Variants in SEMA3B observed in about 807,000 individuals in gnomAD.
The protein encoded by SEMA3B is semaphorin-3B.
In SEMA3B, 71 loss-of-function variants were observed where a neutral mutation model predicts 77.8. That is an observed-to-expected ratio of 0.91 (90% CI 0.75 to 1.11). The LOEUF (loss-of-function observed/expected upper bound fraction) is 1.11, where lower values mean the gene tolerates loss of function less well. SEMA3B is among the 50% of genes most tolerant of loss of function. SEMA3B has a pLI of 0.00. For synonymous variants in SEMA3B, 470 were observed against 452.9 expected, an observed-to-expected ratio of 1.04 and a Z score of -0.48; for missense variants, 968 against 1,056.8, an observed-to-expected ratio of 0.92 and a Z score of 1.17.
chr3:50,266,959 A>T (rs1174809743), upstream of SEMA3B: 3 of 152,308 alleles, frequency 2.0e-5, no homozygotes, highest in Non-Finnish European at 4.4e-5. Context: ...ATGCAAAGCT[A>T]CCTGTCCAGG....
rs1226101789 is a variant in SEMA3B, at chr3:50,270,680, T to C, written c.330+185T>C. 4 of 1,148,154 alleles carry C rather than the reference T, an allele frequency of 3.5e-6. No individual in the cohort carries two copies. Among genetic ancestry groups the C allele is most frequent in the Middle Eastern group, 2.9e-4 (1 of 3,406 alleles). 71.1% of individuals were successfully genotyped at this position (1,148,154 alleles called of 1,614,324 possible). ...GTAATTCTTCTGGGGTGCCTCTGAGTCATGGGAGGCTTTGCAGGCCTGTGC... is the reference window on the plus strand; with the variant it reads ...GTAATTCTTCTGGGGTGCCTCTGAGCCATGGGAGGCTTTGCAGGCCTGTGC... On this transcript the variant is annotated intron_variant, in intron 3 of 16. Transcript: ENST00000616701. This position sits in a 1 kb window ranked among gnomAD's most constrained non-coding sequence, Gnocchi z 4.7.
Position 50,273,721 on chromosome 3 carries a change from G to C in SEMA3B, c.923-38G>C, listed in dbSNP as rs1553705878. On this transcript the variant is annotated intron_variant, in intron 8 of 16. Coordinates refer to ENST00000616701, the MANE Select transcript of SEMA3B (RefSeq NM_001290060.2). The surrounding 1 kb of genome is among the most constrained non-coding windows in gnomAD (Gnocchi z 6.5). ...CTCCGGGAGCCCCCGCCGCAGCGGG[G>C]CTGTGCGCCCTACCCCAGCTAGGCC... 6.2e-7 allele frequency: 1 copy of C among 1,604,512 alleles called. No homozygotes were observed. The highest frequency in any genetic ancestry group is 1.1e-5 in the South Asian group (1 of 90,946).
chr3:50,268,589 G>A (rs587761359), upstream of SEMA3B, among the ~76,000 whole-genome samples: 9 of 152,252 alleles, frequency 5.9e-5, no homozygotes, highest in African/African-American at 9.6e-5. Flanking sequence ...ACACACATGC[G>A]CACATCACAA....
At position 50,273,184 on chromosome 3, in the gene SEMA3B, G is replaced by A; in HGVS notation, c.665-114G>A. 1 of 1,445,780 alleles carries A rather than the reference G, an allele frequency of 6.9e-7. No homozygotes were observed. The highest frequency in any genetic ancestry group is 2.4e-5 in the Admixed American group (1 of 41,728). 89.6% of individuals were successfully genotyped at this position (1,445,780 alleles called of 1,614,324 possible). A position where few individuals can be genotyped will look rare whatever the true frequency, so the allele number is the denominator to read the frequency against. On this transcript the variant is annotated intron_variant, in intron 6 of 16. Coordinates refer to ENST00000616701, the MANE Select transcript of SEMA3B (RefSeq NM_001290060.2). The surrounding 1 kb of genome is among the most constrained non-coding windows in gnomAD (Gnocchi z 6.5). The stretch of plus-strand genomic sequence containing the variant: ...CATGGTGCTAGAGGTTGGGTGGTCA[G>A]ACACTGTGATCCCGGGTGCTGTGCC...
chr3:50,274,012 G>C lies in SEMA3B; in HGVS notation c.1092G>C (p.Gln364His), dbSNP rs782669401. 1.1e-5 allele frequency: 17 copies of C among 1,613,558 alleles called. No individual in the cohort carries two copies. The highest frequency in any genetic ancestry group is 1.3e-5 in the Non-Finnish European group (15 of 1,179,798). The change falls in exon 10 of 17, where the codon CAG becomes CAC. Residue 364 changes from glutamine (Q) to histidine (H), a missense_variant. Coordinates refer to ENST00000616701, the MANE Select transcript of SEMA3B (RefSeq NM_001290060.2). The surrounding 1 kb of genome is among the most constrained non-coding windows in gnomAD (Gnocchi z 4.7). ...PFAHKEGPMH[Q>H]WVSYQGRVPY... ...CACACAAGGAGGGGCCCATGCACCA[G>C]TGGGTGTCATACCAGGGTCGCGTCC...
rs1048486102 is a variant in SEMA3B at position 50,274,517 on chromosome 3, C to T, written c.1292C>T (p.Thr431Ile). 3 of 1,576,026 alleles carry T rather than the reference C, an allele frequency of 1.9e-6. No individual in the cohort carries two copies. Among genetic ancestry groups the T allele is most frequent in the African/African-American group, 2.7e-5 (2 of 73,664 alleles). Residue 431 changes from threonine (T) to isoleucine (I), a missense_variant, in exon 11 of 17, where the codon ACT becomes ATT. By Grantham distance (89) the Thr-to-Ile change is moderately conservative. Transcript: ENST00000616701. This position sits in a 1 kb window ranked among gnomAD's most constrained non-coding sequence, Gnocchi z 4.7. ...FLQVGANYTF[T>I]QIAADRVAAA... is the part of the protein sequence containing the mutation. ...CAAGTTGGAGCCAATTACACCTTCA[C>T]TCAAATTGCCGCGGACCGGGTTGCA... is the stretch of plus-strand genomic sequence containing the variant.
chr3:50,275,924 G>A lies in SEMA3B; in HGVS notation c.1845+80G>A. The A allele has an allele frequency of 1.4e-6, 2 of 1,466,422 alleles. No homozygotes were observed. The allele number at this position is 1,466,422 out of a possible 1,614,324, so 90.8% of individuals were successfully genotyped here. A position where few individuals can be genotyped will look rare whatever the true frequency, so the allele number is the denominator to read the frequency against. ...GAGAGGCCCCGCCCTACCCAACGAA[G>A]CCCCGTCCAACCAGACCCACTCCCC... On this transcript the variant is annotated intron_variant, in intron 16 of 16. Coordinates refer to ENST00000616701, the MANE Select transcript of SEMA3B (RefSeq NM_001290060.2). The surrounding 1 kb of genome is among the most constrained non-coding windows in gnomAD (Gnocchi z 7.5).
chr3:50,269,446 G>T lies in SEMA3B; in HGVS notation c.109+97G>T. 1.4e-6 allele frequency: 1 copy of T among 725,732 alleles called. No individual in the cohort carries two copies. The highest frequency in any genetic ancestry group is 2.2e-6 in the Non-Finnish European group (1 of 455,640). 45.0% of individuals were successfully genotyped at this position (725,732 alleles called of 1,614,324 possible). ...CTCTGTGTTGGCTGTTGCCCCATGT[G>T]CGTGCCTGTCACCAGACTCTGGTAG... is the stretch of plus-strand genomic sequence containing the variant. On this transcript the variant is annotated intron_variant, in intron 1 of 16. Transcript: ENST00000616701. This position sits in a 1 kb window ranked among gnomAD's most constrained non-coding sequence, Gnocchi z 4.0.
In SEMA3B at chr3:50,274,316, C is replaced by A; in HGVS notation, c.1138-47C>A. 2 of 1,397,954 alleles carry A rather than the reference C, an allele frequency of 1.4e-6. No individual in the cohort carries two copies. 86.6% of individuals were successfully genotyped at this position (1,397,954 alleles called of 1,614,324 possible). A position where few individuals can be genotyped will look rare whatever the true frequency, so the allele number is the denominator to read the frequency against. ...TGGGCATGGAGGGCTGCCTATCAAGCCCCCATATCTATATCCCTGCTGTGC... is the reference window on the plus strand; with the variant it reads ...TGGGCATGGAGGGCTGCCTATCAAGACCCCATATCTATATCCCTGCTGTGC... On this transcript the variant is annotated intron_variant, in intron 10 of 16. Coordinates refer to ENST00000616701, the MANE Select transcript of SEMA3B (RefSeq NM_001290060.2). This position sits in a 1 kb window ranked among gnomAD's most constrained non-coding sequence, Gnocchi z 4.7.
chr3:50,264,940 G>C (rs959332094), upstream of SEMA3B, among the ~76,000 whole-genome samples: 1 of 152,170 alleles, frequency 6.6e-6, no homozygotes, highest in Non-Finnish European at 1.5e-5. Flanking sequence ...TGGGGCAGGC[G>C]GGGGTAGGGC....
At position 50,274,821 on chromosome 3, in the gene SEMA3B, T is replaced by C; in HGVS notation, c.1358-22T>C. On this transcript the variant is annotated intron_variant, in intron 11 of 16. Transcript: ENST00000616701. The surrounding 1 kb of genome is among the most constrained non-coding windows in gnomAD (Gnocchi z 4.7). The stretch of plus-strand genomic sequence containing the variant: ...AGCTGTCCGGGAGCACCAATGGTCA[T>C]TACCCCTTCTCATCCCTGCAGACGT... 1 of 1,608,034 alleles carries C rather than the reference T, an allele frequency of 6.2e-7. No individual in the cohort carries two copies. The highest frequency in any genetic ancestry group is 8.5e-7 in the Non-Finnish European group (1 of 1,178,412).
In SEMA3B at chr3:50,269,417, G is replaced by A; in HGVS notation, c.109+68G>A. The A allele has an allele frequency of 1.0e-6, 1 of 965,892 alleles. No individual in the cohort carries two copies. The highest frequency in any genetic ancestry group is 1.5e-6 in the Non-Finnish European group (1 of 668,752). The allele number at this position is 965,892 out of a possible 1,614,324, so 59.8% of individuals were successfully genotyped here. On this transcript the variant is annotated intron_variant, in intron 1 of 16. Coordinates refer to ENST00000616701, the MANE Select transcript of SEMA3B (RefSeq NM_001290060.2). The surrounding 1 kb of genome is among the most constrained non-coding windows in gnomAD (Gnocchi z 4.0). ...CAGGAAAGGGTCCCCGTATGGCCAG[G>A]GGGCTCTGTGTTGGCTGTTGCCCCA...
At position 50,275,733 on chromosome 3, in the gene SEMA3B, C is replaced by CA. The variant is rs781802951; in HGVS notation, c.1736dup (p.Val580GlyfsTer14). The CA allele has an allele frequency of 1.2e-6, 2 of 1,613,384 alleles. No homozygotes were observed. The highest frequency in any genetic ancestry group is 1.7e-6 in the Non-Finnish European group (2 of 1,179,762). On this transcript the variant is annotated frameshift_variant, in exon 16 of 17. Coordinates refer to ENST00000616701, the MANE Select transcript of SEMA3B (RefSeq NM_001290060.2). LOFTEE classifies it high-confidence loss of function. This position sits in a 1 kb window ranked among gnomAD's most constrained non-coding sequence, Gnocchi z 7.5. ...CGTCTCGTCCCGCGCTGCTGGAACACAAGGTGTTCGGCGTGGAGGGCAGCA... is the reference window on the plus strand; with the variant it reads ...CGTCTCGTCCCGCGCTGCTGGAACACAAAGGTGTTCGGCGTGGAGGGCAGCA...
At chr3:50,269,087 G>A, upstream of SEMA3B, 1 of 615,988 alleles carries the variant, frequency 1.6e-6, no homozygotes, top group Non-Finnish European at 2.9e-6. The surrounding 1 kb of genome is among the most constrained non-coding windows in gnomAD (Gnocchi z 4.0). Context: ...TTTCCCCTAG[G>A]GGCTGTAATC....
At position 50,270,653 on chromosome 3, in the gene SEMA3B, G is replaced by C; in HGVS notation, c.330+158G>C. On this transcript the variant is annotated intron_variant, in intron 3 of 16. Coordinates refer to ENST00000616701, the MANE Select transcript of SEMA3B (RefSeq NM_001290060.2). The surrounding 1 kb of genome is among the most constrained non-coding windows in gnomAD (Gnocchi z 4.7). ...GGGTGGTGAGTCAGGGTGGGGGCTC[G>C]TGTAATTCTTCTGGGGTGCCTCTGA... The C allele has an allele frequency of 8.7e-7, 1 of 1,152,426 alleles. No individual in the cohort carries two copies. Among genetic ancestry groups the C allele is most frequent in the Non-Finnish European group, 1.2e-6 (1 of 823,730 alleles). 71.4% of individuals were successfully genotyped at this position (1,152,426 alleles called of 1,614,324 possible). A position where few individuals can be genotyped will look rare whatever the true frequency, so the allele number is the denominator to read the frequency against.
chr3:50,270,606 G>A lies in SEMA3B; in HGVS notation c.330+111G>A, dbSNP rs1361899768. 1 of 1,472,496 alleles carries A rather than the reference G, an allele frequency of 6.8e-7. No individual in the cohort carries two copies. The highest frequency in any genetic ancestry group is 9.3e-7 in the Non-Finnish European group (1 of 1,075,916). The allele number at this position is 1,472,496 out of a possible 1,614,324, so 91.2% of individuals were successfully genotyped here. A position where few individuals can be genotyped will look rare whatever the true frequency, so the allele number is the denominator to read the frequency against. On this transcript the variant is annotated intron_variant, in intron 3 of 16. Transcript: ENST00000616701. The surrounding 1 kb of genome is among the most constrained non-coding windows in gnomAD (Gnocchi z 4.7). ...GTTCTGGCTGGGATGAGGGCAGGGA[G>A]GTCGAGGTGGCTGAGGTCTGGGGGT...
rs151083060 is a variant in SEMA3B, at chr3:50,270,581, G to A, written c.330+86G>A. On this transcript the variant is annotated intron_variant, in intron 3 of 16. Coordinates refer to ENST00000616701, the MANE Select transcript of SEMA3B (RefSeq NM_001290060.2). The surrounding 1 kb of genome is among the most constrained non-coding windows in gnomAD (Gnocchi z 4.7). The stretch of plus-strand genomic sequence containing the variant: ...GCAGGGCTAAAACAGAGGCCTGCCT[G>A]TTCTGGCTGGGATGAGGGCAGGGAG... 10 of 1,573,626 alleles carry A rather than the reference G, an allele frequency of 6.4e-6. No homozygotes were observed. In the African/African-American group the frequency reaches 8.1e-5, roughly 13 times the overall value.
Position 50,274,736 on chromosome 3 carries a change from C to T in SEMA3B, c.1358-107C>T, listed in dbSNP as rs1701172365. On this transcript the variant is annotated intron_variant, in intron 11 of 16. Coordinates refer to ENST00000616701, the MANE Select transcript of SEMA3B (RefSeq NM_001290060.2). The surrounding 1 kb of genome is among the most constrained non-coding windows in gnomAD (Gnocchi z 4.7). ...CCAACCCACACTCTTCCAGTCCACA[C>T]TCTTCACAACCCAAACATGCTGAGG... 7 of 1,427,654 alleles carry T rather than the reference C, an allele frequency of 4.9e-6. No individual in the cohort carries two copies. Among genetic ancestry groups the T allele is most frequent in the African/African-American group, 4.2e-5 (3 of 71,276 alleles). 88.4% of individuals were successfully genotyped at this position (1,427,654 alleles called of 1,614,324 possible).
In SEMA3B at chr3:50,273,103, T is replaced by A; in HGVS notation, c.665-195T>A. On this transcript the variant is annotated intron_variant, in intron 6 of 16. Transcript: ENST00000616701. This position sits in a 1 kb window ranked among gnomAD's most constrained non-coding sequence, Gnocchi z 6.5. The stretch of plus-strand genomic sequence containing the variant: ...TCTCTGCTGCCCCCTCGCGGCTGCT[T>A]CTTGCCTCGCAGGCCCTGATCCTTT... 1.2e-6 allele frequency: 1 copy of A among 863,284 alleles called. No homozygotes were observed. The highest frequency in any genetic ancestry group is 1.7e-6 in the Non-Finnish European group (1 of 585,618). The allele number at this position is 863,284 out of a possible 1,614,324, so 53.5% of individuals were successfully genotyped here.
Sources: allele counts gnomAD v4.1 joint callset (sites outside exome capture counted in the v4.1 genomes callset), GRCh38; gene constraint gnomAD v4.1.1; non-coding constraint Gnocchi (gnomAD v3.1); transcripts MANE v1.5; gene names NCBI Gene and HGNC (gene_info 2026-07-23, HGNC 2026-07-21).